The following EFHC2 variants were observed in gnomAD, a reference collection of about 807,000 sequenced individuals.
The protein encoded by EFHC2 is EF-hand domain-containing family member C2.
In EFHC2, 18 loss-of-function variants were observed where a neutral mutation model predicts 52.7. That is an observed-to-expected ratio of 0.34 (90% CI 0.24 to 0.51). The LOEUF is 0.51. EFHC2 is among the 20% of genes least tolerant of loss of function. The pLI is 0.97. For synonymous variants in EFHC2, 203 were observed against 204.1 expected (o/e 0.99, Z 0.04); for missense variants, 513 against 562.5 (o/e 0.91, Z 0.89).
At chrX:44,302,630 T>G (rs1389926742) in intron 2 of EFHC2, among the ~76,000 whole-genome samples, 3 of 112,446 alleles carry the variant, frequency 2.7e-5, no homozygotes, top group African/African-American at 9.7e-5. Context: ...CATGGTTGAT[T>G]TCAGGCAAGA....
At chrX:44,287,820 C>G (rs1230732090) in intron 2 of EFHC2, among the ~76,000 whole-genome samples, 1 of 112,157 alleles carries the variant, frequency 8.9e-6, no homozygotes, top group East Asian at 2.8e-4. Context: ...GGCCCATTAA[C>G]AGGCTCCCTG....
At chrX:44,271,616 C>T (rs1393050213) in intron 3 of EFHC2, among the ~76,000 whole-genome samples, 1 of 110,871 alleles carries the variant, frequency 9.0e-6, no homozygotes, top group African/African-American at 3.3e-5. Context: ...AGCAGGCTGT[C>T]AGTGAAAAAC....
chrX:44,173,129 G>T (rs983444650), intron 13 of EFHC2, among the ~76,000 whole-genome samples: 2 of 112,119 alleles, frequency 1.8e-5, no homozygotes, highest in African/African-American at 6.5e-5. Flanking sequence ...ACAATTACTG[G>T]GTGAAAGAAA....
At chrX:44,272,309 A>T (rs2037623406) in intron 3 of EFHC2, among the ~76,000 whole-genome samples, 2 of 112,261 alleles carry the variant, frequency 1.8e-5, no homozygotes, top group South Asian at 7.5e-4. Context: ...CCAATCTGGA[A>T]GCTGCAGTAG....
At chrX:44,234,419 G>T (rs1489233464) in intron 9 of EFHC2, among the ~76,000 whole-genome samples, 2 of 112,003 alleles carry the variant, frequency 1.8e-5, no homozygotes, top group Admixed American at 1.9e-4. Flanking sequence ...TCACTCTGGA[G>T]CCTTAGTTAT....
intron 1 of EFHC2, among the ~76,000 whole-genome samples, chrX:44,325,551 T>C (rs1277219745): frequency 2.7e-5 from 3 of 109,950 alleles, no homozygotes; most frequent in African/African-American, 9.9e-5. Context: ...TTTTATCACA[T>C]GCATAAGTTG....
intron 2 of EFHC2, chrX:44,310,236 A>G (rs2037937099): frequency 2.5e-6 from 2 of 804,474 alleles, no homozygotes; most frequent in Non-Finnish European, 3.6e-6. Flanking sequence ...GGGGAAGATG[A>G]CAAAGCGGCA....
At chrX:44,150,464 A>C (rs2036561578) in intron 14 of EFHC2, among the ~76,000 whole-genome samples, 1 of 111,760 alleles carries the variant, frequency 8.9e-6, no homozygotes, top group African/African-American at 3.3e-5. Flanking sequence ...AGCTGGGGCC[A>C]AACTTCTGGC....
At chrX:44,263,093 A>C (rs768643184) in intron 3 of EFHC2, among the ~76,000 whole-genome samples, 2 of 112,411 alleles carry the variant, frequency 1.8e-5, no homozygotes, top group East Asian at 5.6e-4. Context: ...GCATGATACC[A>C]TGGAGAATTG....
At chrX:44,305,400 T>TG (rs2037898439) in intron 2 of EFHC2, among the ~76,000 whole-genome samples, 1 of 112,645 alleles carries the variant, frequency 8.9e-6, no homozygotes, top group African/African-American at 3.2e-5. Context: ...ATAACTTCCA[T>TG]GGCACAGTTG....
intron 11 of EFHC2, among the ~76,000 whole-genome samples, chrX:44,188,870 C>A (rs1478401625): frequency 1.8e-5 from 2 of 109,871 alleles, no homozygotes. Context: ...GTAATCCCAG[C>A]ACTTTGGGAT....
chrX:44,224,394 C>T (rs1335100), intron 11 of EFHC2, among the ~76,000 whole-genome samples: 2,865 of 112,018 alleles, frequency 0.026, 96 homozygotes, highest in African/African-American at 0.088. Context: ...CCCCATTTTA[C>T]AGATGAAAAA....
intron 3 of EFHC2, among the ~76,000 whole-genome samples, chrX:44,271,155 T>C (rs1157323280): frequency 9.0e-6 from 1 of 111,689 alleles, no homozygotes; most frequent in African/African-American, 3.3e-5. Flanking sequence ...TGGGAGAGCC[T>C]GCATGTACAA....
At chrX:44,282,058 C>T (rs1010375215) in intron 2 of EFHC2, among the ~76,000 whole-genome samples, 1 of 110,173 alleles carries the variant, frequency 9.1e-6, no homozygotes, top group South Asian at 3.9e-4. Flanking sequence ...TTTCCCCGCA[C>T]GTAGTCCAAA....
chrX:44,259,688 G>C lies in EFHC2; in HGVS notation c.606+1387C>G, dbSNP rs144776179. Among the ~76,000 whole-genome samples the C allele has an allele frequency of 3.4e-3, 380 of 111,857 alleles. 1 individual carries two copies. Among genetic ancestry groups the C allele is most frequent in the South Asian group, 8.2e-3 (22 of 2,685 alleles). On this transcript the variant is annotated intron_variant, in intron 4 of 14. Coordinates refer to ENST00000420999, the MANE Select transcript of EFHC2 (RefSeq NM_025184.4). ...GAATGACTGCAGCCATATGCAAAGG[G>C]TGGCAATTCATTTGGATCCATTTCC... is the stretch of plus-strand genomic sequence containing the variant.
At chrX:44,245,969 C>T (rs960140426) in intron 7 of EFHC2, among the ~76,000 whole-genome samples, 5 of 111,405 alleles carry the variant, frequency 4.5e-5, no homozygotes, top group African/African-American at 1.6e-4. Flanking sequence ...ATCCTTCCTG[C>T]GTGCTGCACA....
At chrX:44,298,693 T>G (rs1005091946) in intron 2 of EFHC2, among the ~76,000 whole-genome samples, 10 of 109,165 alleles carry the variant, frequency 9.2e-5, no homozygotes, top group African/African-American at 3.0e-4. Flanking sequence ...AAACCCCGTC[T>G]CTACTAAAAA....
chrX:44,269,671 C>T (rs1333429399), intron 3 of EFHC2, among the ~76,000 whole-genome samples: 2 of 111,134 alleles, frequency 1.8e-5, no homozygotes, highest in Non-Finnish European at 3.8e-5. Context: ...GAGGCCTCAC[C>T]AGATGCAGAA....
chrX:44,212,287 G>A (rs1171734305), intron 11 of EFHC2, among the ~76,000 whole-genome samples: 2 of 111,607 alleles, frequency 1.8e-5, no homozygotes, highest in East Asian at 5.6e-4. Flanking sequence ...GGATGAGGGG[G>A]GTTGGGCGGC....
Sources: gnomAD v4.1 joint callset for allele counts (sites outside exome capture counted in the v4.1 genomes callset) on GRCh38, gnomAD v4.1.1 for gene constraint, MANE v1.5 for transcripts, NCBI Gene and HGNC (gene_info 2026-07-23, HGNC 2026-07-21) for gene names.